Variants in ERMP1 observed in about 807,000 individuals in gnomAD.
The protein encoded by ERMP1 is Felix-ina.
Under a neutral mutation model 92.0 loss-of-function variants are expected in ERMP1, and 86 were observed. The observed-to-expected ratio is 0.93, with a 90% CI of 0.79 to 1.12. The LOEUF is 1.12. ERMP1 is among the 50% of genes most tolerant of loss of function. ERMP1 has a pLI of 0.00. For missense variants in ERMP1, 1,342 were observed against 1,116.3 expected, an observed-to-expected ratio of 1.20 and a Z score of -2.88; for synonymous variants, 530 against 412.8, an observed-to-expected ratio of 1.28 and a Z score of -3.44.
chr9:5,797,773 T>C, intron 13 of ERMP1, 44 bp downstream of exon 13: 2 of 1,211,670 alleles, frequency 1.7e-6, no homozygotes, highest in Non-Finnish European at 2.4e-6. Flanking sequence ...TATTAACAAG[T>C]TTAAGAAATA....
At position 5,805,015 on chromosome 9, in the gene ERMP1, ATT is replaced by A. The variant is rs1437524425; in HGVS notation, c.1914+10_1914+11del. On this transcript the variant is annotated intron_variant, in intron 10 of 14. Coordinates refer to ENST00000339450, the MANE Select transcript of ERMP1 (RefSeq NM_024896.3). The stretch of plus-strand genomic sequence containing the variant: ...AAAATGAAGAAAAAGAAAAAAACTT[ATT>A]TTCTCTTACAAAATAGGACGAGAGA... 2 of 1,581,786 alleles carry A rather than the reference ATT, an allele frequency of 1.3e-6. No homozygotes were observed. The highest frequency in any genetic ancestry group is 3.9e-5 in the Admixed American group (2 of 50,642).
At chr9:5,797,719 G>T in intron 13 of ERMP1, 98 bp downstream of exon 13, 1 of 730,190 alleles carries the variant, frequency 1.4e-6, no homozygotes, top group Non-Finnish European at 2.4e-6. Flanking sequence ...TTCCTAAGTT[G>T]CTGGTTCCTG....
intron 4 of ERMP1, among the ~76,000 whole-genome samples, chr9:5,814,500 T>C (rs970897264): frequency 6.6e-6 from 1 of 152,160 alleles, no homozygotes; most frequent in African/African-American, 2.4e-5. Flanking sequence ...CCCAGCACTT[T>C]AGGAGGCCGA....
chr9:5,831,041 A>G lies in ERMP1; in HGVS notation c.339-13T>C, dbSNP rs765309197. ...TTCAAGATAATCCCTGGAAGTAACCAAAAGAATAACAAAGGTTTGTAGTTA... is the reference window on the plus strand; with the variant it reads ...TTCAAGATAATCCCTGGAAGTAACCGAAAGAATAACAAAGGTTTGTAGTTA... On this transcript the variant is annotated splice_polypyrimidine_tract_variant and intron_variant, in intron 1 of 14. Coordinates refer to ENST00000339450, the MANE Select transcript of ERMP1 (RefSeq NM_024896.3). 2.8e-5 allele frequency: 45 copies of G among 1,596,706 alleles called. No individual in the cohort carries two copies. The highest frequency in any genetic ancestry group is 3.8e-5 in the Non-Finnish European group (44 of 1,169,044).
intron 7 of ERMP1, 69 bp from the exon 8 acceptor site, chr9:5,810,300 A>G: frequency 8.8e-7 from 1 of 1,140,366 alleles, no homozygotes; most frequent in Non-Finnish European, 1.3e-6. Flanking sequence ...CAGTCAGTAG[A>G]GCTAAATGGG....
upstream of ERMP1, among the ~76,000 whole-genome samples, chr9:5,838,084 C>T (rs1830114848): frequency 6.6e-6 from 1 of 151,772 alleles, no homozygotes; most frequent in Non-Finnish European, 1.5e-5. Flanking sequence ...GATTATAGAA[C>T]GAGACTGTGT....
chr9:5,816,267 C>A (rs1213260746), intron 4 of ERMP1, among the ~76,000 whole-genome samples: 1 of 152,106 alleles, frequency 6.6e-6, no homozygotes, highest in Non-Finnish European at 1.5e-5. Context: ...CTGGAAAAAT[C>A]TGAATATGCA....
At position 5,787,695 on chromosome 9, in the gene ERMP1, C is replaced by A. The variant is rs921197631; in HGVS notation, c.2387-102G>T. The stretch of plus-strand genomic sequence containing the variant: ...TTCATAAAGGTTCATGCCTGCATGA[C>A]TTTAAATATACTTACTATAAACCTA... On this transcript the variant is annotated intron_variant, in intron 13 of 14. Coordinates refer to ENST00000339450, the MANE Select transcript of ERMP1 (RefSeq NM_024896.3). 1.3e-5 allele frequency: 15 copies of A among 1,147,538 alleles called. No individual in the cohort carries two copies. The Admixed American group carries it at 2.9e-4, about 22-fold the overall frequency. The allele number at this position is 1,147,538 out of a possible 1,614,324, so 71.1% of individuals were successfully genotyped here. A position where few individuals can be genotyped will look rare whatever the true frequency, so the allele number is the denominator to read the frequency against.
chr9:5,808,386 T>C (rs1306657882), intron 8 of ERMP1, among the ~76,000 whole-genome samples: 1 of 152,220 alleles, frequency 6.6e-6, no homozygotes, highest in Non-Finnish European at 1.5e-5. Context: ...GGTATAATTC[T>C]TTTGGGAACT....
chr9:5,812,698 G>A (rs1365588169), intron 5 of ERMP1, 191 bp downstream of exon 5: 2 of 647,998 alleles, frequency 3.1e-6, no homozygotes, highest in Non-Finnish European at 5.4e-6. Flanking sequence ...ACATATTTTA[G>A]AGGAGGCCAG....
chr9:5,866,391 T>C (rs1270798916), intron 5 of ERMP1, among the ~76,000 whole-genome samples: 1 of 152,230 alleles, frequency 6.6e-6, no homozygotes, highest in Non-Finnish European at 1.5e-5. Context: ...CAGAGGATTG[T>C]TGGATCCTAC....
At chr9:5,844,388 C>T (rs1406017408) in intron 6 of ERMP1, among the ~76,000 whole-genome samples, 1 of 152,166 alleles carries the variant, frequency 6.6e-6, no homozygotes, top group Non-Finnish European at 1.5e-5. Context: ...GATTCTTGTG[C>T]CTCAGCCTTC....
intron 2 of ERMP1, among the ~76,000 whole-genome samples, chr9:5,826,311 G>A (rs1466463886): frequency 3.3e-5 from 5 of 152,172 alleles, no homozygotes; most frequent in Admixed American, 6.5e-5. Context: ...TTGAAGCAGG[G>A]TGCCAAAGAG....
Position 5,832,924 on chromosome 9 carries a change from G to A in ERMP1, c.104C>T (p.Ala35Val). 3.8e-6 allele frequency: 6 copies of A among 1,561,662 alleles called. No individual in the cohort carries two copies. Among genetic ancestry groups the A allele is most frequent in the Non-Finnish European group, 4.3e-6 (5 of 1,165,030 alleles). Residue 35 changes from alanine (A) to valine (V), a missense_variant, in exon 1 of 15, where the codon GCG becomes GTG. Transcript: ENST00000339450. ...GCACCCATCCACCAGAGGCTCCTGC[G>A]CTCGGGCCTCCCTCTCCGGCGGTGG... ...AAPPPEREAR[A>V]QEPLVDGCSG...
intron 6 of ERMP1, 141 bp from the exon 7 acceptor site, chr9:5,811,464 T>C (rs1433636228): frequency 5.9e-6 from 4 of 678,780 alleles, no homozygotes; most frequent in Non-Finnish European, 4.8e-6. Flanking sequence ...TTAGAAAGAA[T>C]GTGAACAGAA....
chr9:5,814,670 C>G (rs1380738575), intron 4 of ERMP1, among the ~76,000 whole-genome samples: 1 of 152,100 alleles, frequency 6.6e-6, no homozygotes, highest in Non-Finnish European at 1.5e-5. Flanking sequence ...GTGAAGGCTG[C>G]ACTGAGCCAA....
Position 5,832,773 on chromosome 9 carries a change from C to T in ERMP1, c.255G>A (p.Arg85=), listed in dbSNP as rs1173893430. The T allele has an allele frequency of 6.7e-7, 1 of 1,499,726 alleles. No individual in the cohort carries two copies. Among genetic ancestry groups the T allele is most frequent in the African/African-American group, 1.5e-5 (1 of 68,836 alleles). The allele number at this position is 1,499,726 out of a possible 1,614,324, so 92.9% of individuals were successfully genotyped here. The stretch of plus-strand genomic sequence containing the variant: ...GCTGCAGCGAGAGCTGCACCAGCGT[C>T]CGCAGCGCGATCAGGTAGAGCGCGA... The part of the protein sequence containing the change: ...LGLALYLIAL[R]TLVQLSLQQL... The change falls in exon 1 of 15, where the codon CGG becomes CGA. Residue 85 remains arginine, a synonymous_variant. Transcript: ENST00000339450.
chr9:5,831,231 A>T (rs998959995), intron 1 of ERMP1, among the ~76,000 whole-genome samples: 4 of 151,988 alleles, frequency 2.6e-5, no homozygotes, highest in Non-Finnish European at 5.9e-5. Flanking sequence ...CCACGAGTTG[A>T]CCCCTTCAGT....
chr9:5,843,254 TG>T (rs1201430372), intron 6 of ERMP1, among the ~76,000 whole-genome samples: 2 of 152,342 alleles, frequency 1.3e-5, no homozygotes, highest in African/African-American at 4.8e-5. Flanking sequence ...CTGCGGAATT[TG>T]GGGCTCAGCA....
Sources: gnomAD v4.1 joint callset for allele counts (sites outside exome capture counted in the v4.1 genomes callset) on GRCh38, gnomAD v4.1.1 for gene constraint, MANE v1.5 for transcripts, NCBI Gene and HGNC (gene_info 2026-07-23, HGNC 2026-07-21) for gene names.